Variants in COL19A1 observed in about 807,000 individuals in gnomAD.
The protein encoded by COL19A1 is collagen alpha-1(XIX) chain.
Under a neutral mutation model 190.2 loss-of-function variants are expected in COL19A1, and 159 were observed. The ratio of observed to expected loss-of-function variants is 0.84; its 90% CI spans 0.73 to 0.95. COL19A1 has a LOEUF of 0.95. COL19A1 is among the 40% of genes least tolerant of loss of function. COL19A1 has a pLI of 0.00. For missense variants in COL19A1, 1,418 were observed against 1,431.9 expected (o/e 0.99, Z 0.16); for synonymous variants, 509 against 458.9 (o/e 1.11, Z -1.39).
intron 15 of COL19A1, among the ~76,000 whole-genome samples, chr6:70,092,493 C>T (rs1243105738): frequency 6.6e-6 from 1 of 152,042 alleles, no homozygotes; most frequent in Non-Finnish European, 1.5e-5. Flanking sequence ...ATAAAACTTA[C>T]TCACATCTTT....
chr6:70,113,478 T>G (rs1199472225), intron 16 of COL19A1, among the ~76,000 whole-genome samples: 1 of 152,212 alleles, frequency 6.6e-6, no homozygotes, highest in Non-Finnish European at 1.5e-5. Context: ...TCCTTGGAGT[T>G]TCTGTGCACC....
chr6:69,904,893 G>A (rs1770446664), intron 4 of COL19A1, among the ~76,000 whole-genome samples: 1 of 152,110 alleles, frequency 6.6e-6, no homozygotes. Context: ...GTGGCACTGA[G>A]CATGTATTTC....
intron 37 of COL19A1, among the ~76,000 whole-genome samples, chr6:70,166,730 A>G (rs1765184409): frequency 6.6e-6 from 1 of 152,254 alleles, no homozygotes; most frequent in Non-Finnish European, 1.5e-5. Flanking sequence ...GTGCAGTTGC[A>G]TGCTTTGTAC....
chr6:70,035,364 G>A (rs1271590365), intron 13 of COL19A1, among the ~76,000 whole-genome samples: 1 of 152,176 alleles, frequency 6.6e-6, no homozygotes, highest in Non-Finnish European at 1.5e-5. Context: ...GATCAGCAAA[G>A]CAATTTTAGC....
chr6:70,086,792 A>T (rs4637602), intron 15 of COL19A1, among the ~76,000 whole-genome samples: 8,603 of 151,418 alleles, frequency 0.057, 796 homozygotes, highest in African/African-American at 0.2. Context: ...TCATTAGTAC[A>T]AACTCCTCAT....
At chr6:70,053,301 T>G (rs978095509) in intron 14 of COL19A1, among the ~76,000 whole-genome samples, 3 of 152,220 alleles carry the variant, frequency 2.0e-5, no homozygotes, top group Admixed American at 2.0e-4. Context: ...CTCCATTTCA[T>G]TGAAATATTA....
At chr6:69,886,312 C>T (rs999864835) in intron 2 of COL19A1, among the ~76,000 whole-genome samples, 1 of 152,046 alleles carries the variant, frequency 6.6e-6, no homozygotes, top group African/African-American at 2.4e-5. Context: ...TAGCTATTAT[C>T]AAAAGACAAG....
In COL19A1 at chr6:70,159,175, G is replaced by A. The variant is rs7763796; in HGVS notation, c.2292+2452G>A. ...AAAAAAAAAAGGAATACATATATAC[G>A]TATATTTTATGCATGTACATATAGA... On this transcript the variant is annotated intron_variant, in intron 34 of 50. Coordinates refer to ENST00000620364, the MANE Select transcript of COL19A1 (RefSeq NM_001858.6). Among the ~76,000 whole-genome samples the A allele has an allele frequency of 9.2e-4, 139 of 151,362 alleles. 1 individual carries two copies. Among genetic ancestry groups the A allele is most frequent in the South Asian group, 1.7e-3 (8 of 4,818 alleles).
At chr6:69,929,754 A>C in intron 6 of COL19A1, 54 bp downstream of exon 6, 1 of 1,496,724 alleles carries the variant, frequency 6.7e-7, no homozygotes, top group Non-Finnish European at 9.0e-7. Context: ...GTAAAAAAAA[A>C]ATCTTATTAA....
intron 11 of COL19A1, among the ~76,000 whole-genome samples, chr6:69,979,453 A>T (rs533260416): frequency 6.6e-6 from 1 of 152,014 alleles, no homozygotes; most frequent in Non-Finnish European, 1.5e-5. Flanking sequence ...GCTTTTGATA[A>T]TATGCAATAT....
chr6:69,894,767 A>G (rs1433384502), intron 2 of COL19A1, among the ~76,000 whole-genome samples: 1 of 152,218 alleles, frequency 6.6e-6, no homozygotes, highest in Admixed American at 6.5e-5. Context: ...GATGTAAAAC[A>G]AGATGAGGCT....
chr6:69,976,155 C>T (rs1388198591), intron 11 of COL19A1, among the ~76,000 whole-genome samples: 2 of 152,148 alleles, frequency 1.3e-5, no homozygotes, highest in African/African-American at 4.8e-5. Context: ...CTTTCCTTCT[C>T]CAAGATTCTC....
chr6:69,883,621 T>A (rs1768712365), intron 2 of COL19A1, among the ~76,000 whole-genome samples: 1 of 152,230 alleles, frequency 6.6e-6, no homozygotes, highest in African/African-American at 2.4e-5. Context: ...AACTGGTGTA[T>A]AAGTAATACA....
chr6:69,985,426 G>C (rs1049296528), intron 11 of COL19A1, among the ~76,000 whole-genome samples: 9 of 152,076 alleles, frequency 5.9e-5, no homozygotes, highest in South Asian at 4.1e-4. Flanking sequence ...ATTAGCAAAG[G>C]GGGTGAAGGA....
chr6:70,077,211 A>C (rs552443022), intron 15 of COL19A1, among the ~76,000 whole-genome samples: 3 of 152,200 alleles, frequency 2.0e-5, no homozygotes, highest in Non-Finnish European at 4.4e-5. Flanking sequence ...CTTTAATTTT[A>C]TAGCACTTTT....
In COL19A1 at chr6:70,146,714, ATTATAG is replaced by A; in HGVS notation, c.1815+15_1815+20del. 6.2e-7 allele frequency: 1 copy of A among 1,604,148 alleles called. No homozygotes were observed. Among genetic ancestry groups the A allele is most frequent in the South Asian group, 1.1e-5 (1 of 88,582 alleles). On this transcript the variant is annotated intron_variant, in intron 26 of 50. Transcript: ENST00000620364. ...CCACGTGGGCCAAAGGTATACAAAT[ATTATAG>A]TTAATTTTTAAGGAATGAATAATTA...
chr6:69,925,076 G>A (rs1348206996), intron 4 of COL19A1, among the ~76,000 whole-genome samples: 1 of 152,144 alleles, frequency 6.6e-6, no homozygotes, highest in Non-Finnish European at 1.5e-5. Context: ...CTGTGCAGAA[G>A]TTCTTTAGTT....
chr6:70,156,844 A>C, intron 34 of COL19A1, 121 bp downstream of exon 34: 2 of 617,170 alleles, frequency 3.2e-6, no homozygotes, highest in Non-Finnish European at 5.3e-6. Flanking sequence ...AAAAACAAAG[A>C]CCACTTAGAG....
intron 17 of COL19A1, among the ~76,000 whole-genome samples, chr6:70,129,068 C>T (rs569645019): frequency 1.3e-5 from 2 of 152,238 alleles, no homozygotes; most frequent in African/African-American, 4.8e-5. Context: ...TTTTCTAAAG[C>T]GATTGGTCTA....
Sources: allele counts gnomAD v4.1 joint callset (sites outside exome capture counted in the v4.1 genomes callset), GRCh38; gene constraint gnomAD v4.1.1; transcripts MANE v1.5; gene names NCBI Gene and HGNC (gene_info 2026-07-23, HGNC 2026-07-21).